Variants in PARD3B observed in about 807,000 individuals in gnomAD.
PARD3B encodes the protein par-3 family cell polarity regulator beta, also known as partitioning defective 3 homolog B.
PARD3B carries 103 observed loss-of-function variants against 130.2 expected under a neutral mutation model. The ratio of observed to expected loss-of-function variants is 0.79; its 90% CI spans 0.67 to 0.93. The LOEUF is 0.93. Among genes scored for constraint, PARD3B ranks in the 40% least tolerant of loss-of-function variants. The pLI is 0.00. For synonymous variants in PARD3B, 583 were observed against 553.2 expected (o/e 1.05, Z -0.76); for missense variants, 1,609 against 1,499.2 (o/e 1.07, Z -1.21).
intron 4 of PARD3B, among the ~76,000 whole-genome samples, chr2:205,054,483 A>G (rs1699507824): frequency 8.4e-6 from 1 of 119,158 alleles, no homozygotes. Context: ...TTTAGGGTAT[A>G]TGTGCACAAC....
intron 21 of PARD3B, among the ~76,000 whole-genome samples, chr2:205,534,054 C>T (rs1418588380): frequency 1.4e-5 from 1 of 70,498 alleles, no homozygotes; most frequent in Non-Finnish European, 3.8e-5. Flanking sequence ...AGTGAAAAAG[C>T]CAAAAAAAAA....
chr2:205,080,064 AAACTC>A (rs1701311570), intron 4 of PARD3B, among the ~76,000 whole-genome samples: 1 of 152,166 alleles, frequency 6.6e-6, no homozygotes, highest in Non-Finnish European at 1.5e-5. Context: ...CACATGCTCA[AAACTC>A]AAATCATAAA....
intron 22 of PARD3B, 21 bp downstream of exon 22, chr2:205,553,424 C>A: frequency 6.3e-7 from 1 of 1,599,426 alleles, no homozygotes; most frequent in East Asian, 2.2e-5. Flanking sequence ...GAGAGGTCTC[C>A]CATCTCCAGC....
At position 205,530,983 on chromosome 2, in the gene PARD3B, C is replaced by T. The variant is rs967747885; in HGVS notation, c.3181-22341C>T. Among the ~76,000 whole-genome samples the T allele has an allele frequency of 3.9e-5, 6 of 152,174 alleles. No individual in the cohort carries two copies. Among genetic ancestry groups the T allele is most frequent in the African/African-American group, 1.4e-4 (6 of 41,436 alleles). ...GATCTGAAAGGTAAGATTTCAATAT[C>T]TGTATGTAGACTGTGACCTTTGCAA... On this transcript the variant is annotated intron_variant, in intron 21 of 22. Transcript: ENST00000406610. This position sits in a 1 kb window ranked among gnomAD's most constrained non-coding sequence, Gnocchi z 4.7.
At chr2:205,150,972 C>T (rs1257648823) in intron 10 of PARD3B, among the ~76,000 whole-genome samples, 1 of 152,118 alleles carries the variant, frequency 6.6e-6, no homozygotes, top group Non-Finnish European at 1.5e-5. Flanking sequence ...ACTTGAAAAT[C>T]TCTAGGAGAG....
At chr2:204,720,097 A>T (rs940208535) in intron 2 of PARD3B, among the ~76,000 whole-genome samples, 2 of 152,098 alleles carry the variant, frequency 1.3e-5, no homozygotes, top group Non-Finnish European at 2.9e-5. Flanking sequence ...AATATAGTCA[A>T]CTCTGTTATT....
At chr2:204,796,611 A>G (rs1292928581) in intron 2 of PARD3B, among the ~76,000 whole-genome samples, 2 of 152,210 alleles carry the variant, frequency 1.3e-5, no homozygotes, top group Non-Finnish European at 2.9e-5. Flanking sequence ...AAATTCAGAC[A>G]TGCAGAATGA....
intron 2 of PARD3B, among the ~76,000 whole-genome samples, chr2:204,724,024 T>C (rs2039112251): frequency 6.6e-6 from 1 of 152,204 alleles, no homozygotes; most frequent in South Asian, 2.1e-4. Flanking sequence ...ACTGACCTTA[T>C]GGCTAATGCC....
In PARD3B at chr2:204,610,796, T is replaced by C. The variant is rs1260957980; in HGVS notation, c.120+64677T>C. ...ACAAATACATGGCCAGTGGTTCCAA[T>C]CCATGTTACAGCTGTCCAACAATTG... is the stretch of plus-strand genomic sequence containing the variant. On this transcript the variant is annotated intron_variant, in intron 1 of 22. Transcript: ENST00000406610. The surrounding 1 kb of genome is among the most constrained non-coding windows in gnomAD (Gnocchi z 4.1). 6.6e-6 allele frequency among the ~76,000 whole-genome samples: 1 copy of C among 152,208 alleles called. No individual in the cohort carries two copies. Among genetic ancestry groups the C allele is most frequent in the Non-Finnish European group, 1.5e-5 (1 of 68,032 alleles).
intron 15 of PARD3B, among the ~76,000 whole-genome samples, chr2:205,203,844 G>T (rs1443531793): frequency 3.3e-5 from 5 of 152,148 alleles, no homozygotes; most frequent in African/African-American, 1.2e-4. Context: ...TCTTAATCCA[G>T]TCTATCCTTG....
chr2:204,763,128 A>G (rs781204008), intron 2 of PARD3B, among the ~76,000 whole-genome samples: 1 of 152,112 alleles, frequency 6.6e-6, no homozygotes, highest in South Asian at 2.1e-4. Context: ...GTATAACCCT[A>G]TAACATAGCT....
rs138166609 is a variant in PARD3B, at chr2:204,990,961, A to G, written c.394+25638A>G. Among the ~76,000 whole-genome samples the G allele has an allele frequency of 3.3e-5, 5 of 152,322 alleles. No individual in the cohort carries two copies. In the East Asian group the frequency reaches 7.7e-4, roughly 23 times the overall value. Reference sequence around the variant, plus strand: ...AATTGTCAGGCATCATTTATTATAAAGCCTGTCATTTCTCTACAGGAACAC... The same window carrying G: ...AATTGTCAGGCATCATTTATTATAAGGCCTGTCATTTCTCTACAGGAACAC... On this transcript the variant is annotated intron_variant, in intron 3 of 22. Transcript: ENST00000406610.
At chr2:204,592,532 A>G (rs756248800) in intron 1 of PARD3B, among the ~76,000 whole-genome samples, 7 of 152,180 alleles carry the variant, frequency 4.6e-5, no homozygotes, top group Non-Finnish European at 1.5e-5. Flanking sequence ...TTGTCATAGT[A>G]TATTTTTGAT....
intron 2 of PARD3B, among the ~76,000 whole-genome samples, chr2:204,901,162 C>T (rs966653360): frequency 6.6e-6 from 1 of 152,104 alleles, no homozygotes; most frequent in Non-Finnish European, 1.5e-5. Flanking sequence ...GGCAGCCAGC[C>T]AGGCTTGTGT....
intron 20 of PARD3B, among the ~76,000 whole-genome samples, chr2:205,467,460 A>T (rs2048667872): frequency 6.6e-6 from 1 of 152,242 alleles, no homozygotes; most frequent in African/African-American, 2.4e-5. Context: ...TACAAACCAC[A>T]TATGTAATTT....
chr2:204,703,006 T>G lies in PARD3B; in HGVS notation c.222+16724T>G, dbSNP rs185824512. The stretch of plus-strand genomic sequence containing the variant: ...TTCATGATTCCAATTAGAATTTACT[T>G]TATTGATACTTTATTAATTTTAGGC... On this transcript the variant is annotated intron_variant, in intron 2 of 22. Transcript: ENST00000406610. Among the ~76,000 whole-genome samples the G allele has an allele frequency of 4.3e-3, 649 of 152,340 alleles. 9 individuals carry two copies. Among genetic ancestry groups the G allele is most frequent in the Non-Finnish European group, 3.4e-3 (229 of 68,040 alleles).
At chr2:205,220,345 G>C (rs1006959387) in intron 15 of PARD3B, among the ~76,000 whole-genome samples, 3 of 152,114 alleles carry the variant, frequency 2.0e-5, no homozygotes, top group African/African-American at 4.8e-5. Flanking sequence ...CCAAATGGAA[G>C]ATCTTAGGGT....
chr2:205,520,370 C>G (rs1491001248), intron 21 of PARD3B, among the ~76,000 whole-genome samples: 5 of 152,092 alleles, frequency 3.3e-5, no homozygotes, highest in Admixed American at 2.0e-4. Context: ...TGATAAAGCA[C>G]TTGGGTTCTT....
intron 2 of PARD3B, among the ~76,000 whole-genome samples, chr2:204,696,982 A>G (rs541560346): frequency 3.9e-5 from 6 of 152,228 alleles, no homozygotes; most frequent in African/African-American, 9.6e-5. Context: ...ATTGAAATAC[A>G]CATGTTTATA....
Sources: allele counts gnomAD v4.1 joint callset (sites outside exome capture counted in the v4.1 genomes callset), GRCh38; gene constraint gnomAD v4.1.1; non-coding constraint Gnocchi (gnomAD v3.1); transcripts MANE v1.5; gene names NCBI Gene and HGNC (gene_info 2026-07-23, HGNC 2026-07-21).